RP1: variants seen among roughly 807,000 people sequenced by gnomAD.
RP1 encodes the protein oxygen-regulated protein 1.
Under a neutral mutation model 14.8 loss-of-function variants are expected in RP1, and 16 were observed. The observed-to-expected ratio is 1.08, with a 90% confidence interval of 0.73 to 1.65. The LOEUF (loss-of-function observed/expected upper bound fraction) is 1.65. Among genes scored for constraint, RP1 ranks in the 40% most tolerant of loss-of-function variants. The probability of loss-of-function intolerance (pLI) is 0.00; values close to 1 mark genes in which losing one functional copy is unlikely to be tolerated. For missense variants in RP1, 2,631 were observed against 2,535.0 expected (o/e 1.04, Z -0.81); for synonymous variants, 876 against 883.6 (o/e 0.99, Z 0.15).
At chr8:54,586,936 C>T (rs761498133) in intron 1 of RP1, among the ~76,000 whole-genome samples, 14 of 152,188 alleles carry the variant, frequency 9.2e-5, no homozygotes, top group South Asian at 2.1e-4. Context: ...TGACCGCTTG[C>T]GCTTCCTGGG....
At chr8:54,618,092 T>C (rs1383194860) in intron 1 of RP1, among the ~76,000 whole-genome samples, 1 of 152,114 alleles carries the variant, frequency 6.6e-6, no homozygotes, top group Admixed American at 6.5e-5. Context: ...GAACTTGTAT[T>C]TTTGTTTTGT....
chr8:54,856,401 T>C (rs1185765232), intron 26 of RP1, among the ~76,000 whole-genome samples: 1 of 152,238 alleles, frequency 6.6e-6, no homozygotes, highest in East Asian at 1.9e-4. Context: ...CTGTATCTAC[T>C]TCATAGTTTA....
chr8:54,711,826 C>CA (rs556311221), intron 15 of RP1, among the ~76,000 whole-genome samples: 6 of 150,976 alleles, frequency 4.0e-5, no homozygotes, highest in African/African-American at 1.2e-4. Flanking sequence ...AGACCCATAA[C>CA]AAAAAAACAG....
chr8:54,698,431 T>C (rs1201525874), intron 12 of RP1, among the ~76,000 whole-genome samples: 2 of 152,332 alleles, frequency 1.3e-5, no homozygotes, highest in East Asian at 3.9e-4. Context: ...GCTTTTACGC[T>C]GTTGGTGGGA....
intron 1 of RP1, among the ~76,000 whole-genome samples, chr8:54,618,435 T>G (rs969243672): frequency 6.6e-6 from 1 of 152,168 alleles, no homozygotes; most frequent in Non-Finnish European, 1.5e-5. Context: ...GTTCCCAAAG[T>G]GGTCACCAGG....
intron 24 of RP1, among the ~76,000 whole-genome samples, chr8:54,805,817 T>A (rs1326419641): frequency 6.6e-6 from 1 of 151,970 alleles, no homozygotes; most frequent in Non-Finnish European, 1.5e-5. Context: ...ATATATGGCA[T>A]CTGAAACTTT....
In RP1 at chr8:54,621,088, A is replaced by C. The variant is rs1438155422; in HGVS notation, c.122A>C (p.Tyr41Ser). Residue 41 changes from tyrosine (Y) to serine (S), a missense_variant, in exon 2 of 4, where the codon TAC becomes TCC. Transcript: ENST00000220676. ...GTTGTGGCCAAGCGAATCAGTTTCTACAAGAGCGGAGACCCCCAATTCGGC... is the reference window on the plus strand; with the variant it reads ...GTTGTGGCCAAGCGAATCAGTTTCTCCAAGAGCGGAGACCCCCAATTCGGC... ...HPVVAKRISF[Y>S]KSGDPQFGGV... 3.1e-6 allele frequency: 5 copies of C among 1,614,118 alleles called. No homozygotes were observed. Among genetic ancestry groups the C allele is most frequent in the Non-Finnish European group, 4.2e-6 (5 of 1,180,020 alleles).
At chr8:54,794,955 A>G (rs1194746992) in intron 24 of RP1, among the ~76,000 whole-genome samples, 1 of 152,078 alleles carries the variant, frequency 6.6e-6, no homozygotes, top group Admixed American at 6.6e-5. Flanking sequence ...TTTCCCAAAG[A>G]AGACATAGAA....
At chr8:54,608,575 A>C (rs533873129) in intron 1 of RP1, among the ~76,000 whole-genome samples, 2 of 152,320 alleles carry the variant, frequency 1.3e-5, no homozygotes, top group East Asian at 3.9e-4. Flanking sequence ...GGAGGAATCT[A>C]GTGAAAATTA....
intron 1 of RP1, among the ~76,000 whole-genome samples, chr8:54,591,329 C>T (rs1347775878): frequency 2.6e-5 from 4 of 152,198 alleles, no homozygotes; most frequent in African/African-American, 4.8e-5. Flanking sequence ...TTTTCAGCCA[C>T]ACTGGCCTTC....
chr8:54,772,275 G>C (rs1442247667), downstream of RP1, among the ~76,000 whole-genome samples: 1 of 151,976 alleles, frequency 6.6e-6, no homozygotes, highest in Non-Finnish European at 1.5e-5. Context: ...TTTCTTCATT[G>C]TTATCAGTGC....
chr8:54,633,534 G>A (rs1394360298), downstream of RP1, among the ~76,000 whole-genome samples: 1 of 152,054 alleles, frequency 6.6e-6, no homozygotes, highest in Non-Finnish European at 1.5e-5. Flanking sequence ...TTATAAGGTG[G>A]TTGTGAGAGG....
At chr8:54,726,111 G>A (rs527418586) in intron 16 of RP1, among the ~76,000 whole-genome samples, 73 of 152,184 alleles carry the variant, frequency 4.8e-4, no homozygotes, top group East Asian at 2.3e-3. Flanking sequence ...ACTATCGTTC[G>A]GATTTGCAAA....
intron 25 of RP1, among the ~76,000 whole-genome samples, chr8:54,846,680 C>T (rs1811927356): frequency 6.6e-6 from 1 of 152,164 alleles, no homozygotes; most frequent in African/African-American, 2.4e-5. Flanking sequence ...TGGTCTAAAA[C>T]TGACCAATTC....
intron 17 of RP1, among the ~76,000 whole-genome samples, chr8:54,727,172 T>C (rs1808677504): frequency 6.6e-6 from 1 of 152,262 alleles, no homozygotes; most frequent in African/African-American, 2.4e-5. Flanking sequence ...GATAGTAATA[T>C]AATAGACGTC....
chr8:54,855,651 G>T (rs1186913445), intron 26 of RP1, among the ~76,000 whole-genome samples: 1 of 152,066 alleles, frequency 6.6e-6, no homozygotes, highest in Non-Finnish European at 1.5e-5. Context: ...ACAAGAAAAA[G>T]ACAGAAAACC....
chr8:54,861,527 T>C (rs1033226629), intron 27 of RP1, among the ~76,000 whole-genome samples: 5 of 152,234 alleles, frequency 3.3e-5, no homozygotes, highest in African/African-American at 4.8e-5. Flanking sequence ...AATCTGTCCA[T>C]CTCTTGTTAA....
intron 24 of RP1, among the ~76,000 whole-genome samples, chr8:54,800,068 G>T (rs544834408): frequency 1.9e-4 from 29 of 151,922 alleles, no homozygotes; most frequent in African/African-American, 6.8e-4. Flanking sequence ...GTATGAGAAG[G>T]TCTTTATTTA....
intron 24 of RP1, chr8:54,783,775 A>C (rs1585688758): frequency 9.4e-7 from 1 of 1,062,834 alleles, no homozygotes; most frequent in East Asian, 3.2e-5. Context: ...CCGAAGATGA[A>C]ATGGAGTGTA....
Sources: gnomAD v4.1 joint callset for allele counts (sites outside exome capture counted in the v4.1 genomes callset) on GRCh38, gnomAD v4.1.1 for gene constraint, MANE v1.5 for transcripts, NCBI Gene and HGNC (gene_info 2026-07-23, HGNC 2026-07-21) for gene names.